The following CMTM4 variants were observed in gnomAD, a reference collection of about 807,000 sequenced individuals.
CMTM4 encodes CKLF like MARVEL transmembrane domain containing 4, also known as CKLF-like MARVEL transmembrane domain-containing protein 4.
A neutral mutation model predicts 19.0 loss-of-function variants in CMTM4; 8 were observed. That is an observed-to-expected ratio of 0.42 (90% CI 0.25 to 0.76). CMTM4 has a LOEUF of 0.76. Ranked by LOEUF, CMTM4 falls within the 30% of genes least tolerant of loss-of-function variation. The pLI is 0.27. For missense variants in CMTM4, 228 were observed against 290.2 expected, an observed-to-expected ratio of 0.79 and a Z score of 1.56; for synonymous variants, 106 against 121.1, an observed-to-expected ratio of 0.88 and a Z score of 0.82.
At chr16:66,600,627 T>G in the CMTM4 span, among the ~76,000 whole-genome samples, 884 of 120,570 alleles carry the variant, frequency 7.3e-3, 10 homozygotes, top group African/African-American at 0.027. Context: ...CCCAAACACC[T>G]TGGCTCAGTC....
intron 1 of CMTM4, among the ~76,000 whole-genome samples, chr16:66,688,424 T>A (rs948745762): frequency 2.0e-5 from 3 of 152,076 alleles, no homozygotes; most frequent in Admixed American, 1.3e-4. Context: ...GTGAGAGACC[T>A]GCAGGAGATC....
chr16:66,636,442 A>G lies in CMTM4; in HGVS notation c.326T>C (p.Leu109Pro). ...GTTGATCTGGGGGATCCTCATGTGC[A>G]GGTTGAGACTGAACATAATCAGCAA... Reference protein sequence around the residue: ...GVLLIMFSLNLHMRIPQINWN... With the variant: ...GVLLIMFSLNPHMRIPQINWN... The change falls in exon 2 of 4, where the codon CTG (leucine) becomes CCG (proline). Residue 109 changes from leucine (L) to proline (P), a missense_variant. Around this residue, in one of 3 missense-constraint regions of CMTM4, gnomAD observed 200 missense variants for 226.6 expected, o/e 0.88. Coordinates refer to ENST00000394106, the MANE Select transcript of CMTM4 (RefSeq NM_181521.3). 6.2e-7 allele frequency: 1 copy of G among 1,614,134 alleles called. No individual in the cohort carries two copies. Among genetic ancestry groups the G allele is most frequent in the African/African-American group, 1.3e-5 (1 of 75,038 alleles).
At chr16:66,650,156 G>A (rs765593541) in intron 1 of CMTM4, among the ~76,000 whole-genome samples, 43 of 152,270 alleles carry the variant, frequency 2.8e-4, no homozygotes, top group South Asian at 8.3e-4. Context: ...GGAAAAACGG[G>A]AGAGAACATT....
chr16:66,604,812 C>A, the CMTM4 span: 1 of 1,256,860 alleles, frequency 8.0e-7, no homozygotes, highest in Non-Finnish European at 9.9e-7. Flanking sequence ...CGCCATGTGG[C>A]CCCCAGACCC....
intron 1 of CMTM4, among the ~76,000 whole-genome samples, chr16:66,649,448 C>CTCTATCCATCTA (rs1555500110): frequency 8.1e-6 from 1 of 122,876 alleles, no homozygotes; most frequent in African/African-American, 3.8e-5. Flanking sequence ...GATTCCTTCT[C>CTCTATCCATCTA]TCTATCTATC....
intron 1 of CMTM4, among the ~76,000 whole-genome samples, chr16:66,673,473 C>T (rs2016750830): frequency 6.6e-6 from 1 of 151,976 alleles, no homozygotes; most frequent in Non-Finnish European, 1.5e-5. Context: ...CTCCCAAAGT[C>T]CTGGAATTAG....
At chr16:66,647,081 C>T (rs956192021) in intron 1 of CMTM4, among the ~76,000 whole-genome samples, 2 of 139,538 alleles carry the variant, frequency 1.4e-5, no homozygotes, top group African/African-American at 2.7e-5. Context: ...TTTGGGAGGC[C>T]GAGGTGGGTG....
chr16:66,693,949 G>C (rs1037305046), intron 1 of CMTM4, among the ~76,000 whole-genome samples: 1 of 152,124 alleles, frequency 6.6e-6, no homozygotes, highest in Non-Finnish European at 1.5e-5. Flanking sequence ...TTGAGCCCAG[G>C]TGGCGGAGGT....
chr16:66,645,364 G>A (rs1166829254), intron 1 of CMTM4, among the ~76,000 whole-genome samples: 2 of 151,916 alleles, frequency 1.3e-5, no homozygotes, highest in African/African-American at 4.8e-5. Flanking sequence ...TGGATCATGA[G>A]GTCAGGAGTT....
intron 2 of CMTM4, among the ~76,000 whole-genome samples, chr16:66,633,488 C>A (rs1465442966): frequency 6.6e-6 from 1 of 152,026 alleles, no homozygotes; most frequent in Non-Finnish European, 1.5e-5. Flanking sequence ...CTTTTTCACC[C>A]CTCTCAGAGA....
chr16:66,666,891 AAAC>A (rs1435103039), intron 1 of CMTM4, among the ~76,000 whole-genome samples: 1 of 152,236 alleles, frequency 6.6e-6, no homozygotes, highest in East Asian at 1.9e-4. Flanking sequence ...ATAAACACGG[AAAC>A]AACAGACACC....
chr16:66,645,610 T>C (rs2016179592), intron 1 of CMTM4, among the ~76,000 whole-genome samples: 1 of 151,568 alleles, frequency 6.6e-6, no homozygotes, highest in South Asian at 2.1e-4. Flanking sequence ...GTGCACACCT[T>C]TAGACCCAGA....
At chr16:66,658,160 G>A (rs2016432331) in intron 1 of CMTM4, among the ~76,000 whole-genome samples, 1 of 151,658 alleles carries the variant, frequency 6.6e-6, no homozygotes, top group African/African-American at 2.4e-5. Context: ...AGCTCAGGAG[G>A]TCTAGGCTGC....
chr16:66,684,340 A>AT (rs1348153971), intron 1 of CMTM4, among the ~76,000 whole-genome samples: 7 of 151,416 alleles, frequency 4.6e-5, no homozygotes, highest in Non-Finnish European at 1.0e-4. Context: ...AGCCTAGCTA[A>AT]TTTTTTTTGC....
downstream of CMTM4, among the ~76,000 whole-genome samples, chr16:66,611,490 C>T (rs764652048): frequency 1.3e-5 from 2 of 152,062 alleles, no homozygotes; most frequent in African/African-American, 2.4e-5. Flanking sequence ...CAAAATCTGA[C>T]GAGTGCAGCC....
Position 66,621,677 on chromosome 16 carries a change from A to AC in CMTM4, c.*380dup, listed in dbSNP as rs1351611799. 9.7e-7 allele frequency: 1 copy of AC among 1,028,548 alleles called. No individual in the cohort carries two copies. The highest frequency in any genetic ancestry group is 1.7e-5 in the African/African-American group (1 of 59,536). 63.7% of individuals were successfully genotyped at this position (1,028,548 alleles called of 1,614,324 possible). On this transcript the variant is annotated 3_prime_UTR_variant, in exon 4 of 4. Transcript: ENST00000394106. Reference sequence around the variant, plus strand: ...GCTGCCTGAGAACCACTGCCGACTGACCGTTCCAATGCTGTCCCTTCATTC... The same window carrying AC: ...GCTGCCTGAGAACCACTGCCGACTGACCCGTTCCAATGCTGTCCCTTCATTC...
At chr16:66,692,808 G>A (rs975676820) in intron 1 of CMTM4, among the ~76,000 whole-genome samples, 4 of 151,976 alleles carry the variant, frequency 2.6e-5, no homozygotes, top group African/African-American at 9.7e-5. Flanking sequence ...CTGGGAGGCT[G>A]AGGCAGGAGA....
chr16:66,613,230 A>G, downstream of CMTM4: 1 of 679,946 alleles, frequency 1.5e-6, no homozygotes, highest in South Asian at 1.6e-5. Context: ...CTCGGCACCC[A>G]TAACTAACAC....
chr16:66,675,152 C>T (rs1255399447), intron 1 of CMTM4, among the ~76,000 whole-genome samples: 3 of 151,382 alleles, frequency 2.0e-5, no homozygotes, highest in Non-Finnish European at 4.4e-5. Context: ...GTGATCTCAG[C>T]TCACTGCAAC....
Sources: gnomAD v4.1 joint callset for allele counts (sites outside exome capture counted in the v4.1 genomes callset) on GRCh38, gnomAD v4.1.1 for gene constraint, gnomAD v4.1.1 regional missense constraint, MANE v1.5 for transcripts, NCBI Gene and HGNC (gene_info 2026-07-23, HGNC 2026-07-21) for gene names.